The following GYS2 variants were observed in gnomAD, a reference collection of about 807,000 sequenced individuals.
The protein encoded by GYS2 is glycogen [starch] synthase, liver.
In GYS2, 80 loss-of-function variants were observed where a neutral mutation model predicts 85.6. The ratio of observed to expected loss-of-function variants is 0.93; its 90% confidence interval spans 0.78 to 1.13. GYS2 has a LOEUF of 1.13. GYS2 is among the 50% of genes most tolerant of loss of function. GYS2 has a pLI of 0.00. For missense variants in GYS2, 881 were observed against 854.9 expected, an observed-to-expected ratio of 1.03 and a Z score of -0.38; for synonymous variants, 328 against 300.7, an observed-to-expected ratio of 1.09 and a Z score of -0.94.
intron 11 of GYS2, among the ~76,000 whole-genome samples, chr12:21,552,488 G>A (rs1565595765): frequency 2.6e-5 from 4 of 152,168 alleles, no homozygotes; most frequent in African/African-American, 9.7e-5. Flanking sequence ...ACTTAAATCA[G>A]CACAGGCCTA....
At chr12:21,574,394 T>TGATGTGGAC in intron 3 of GYS2, 68 bp from the exon 4 acceptor site, 3 of 1,167,062 alleles carry the variant, frequency 2.6e-6, no homozygotes, top group Non-Finnish European at 2.6e-6. Context: ...ATGGTCCACA[T>TGATGTGGAC]CATAAGTGGA....
At chr12:21,562,511 T>C (rs1037697393) in intron 7 of GYS2, among the ~76,000 whole-genome samples, 3 of 152,202 alleles carry the variant, frequency 2.0e-5, no homozygotes, top group Admixed American at 6.5e-5. Flanking sequence ...TCTTCCATTA[T>C]AGTCTTCACT....
intron 12 of GYS2, among the ~76,000 whole-genome samples, chr12:21,544,784 T>C (rs1331557905): frequency 1.3e-5 from 2 of 152,220 alleles, no homozygotes; most frequent in African/African-American, 2.4e-5. Context: ...TTCAAGACAA[T>C]CCTTTGTCTA....
chr12:21,572,067 C>T (rs1246223659), intron 4 of GYS2, among the ~76,000 whole-genome samples: 2 of 152,066 alleles, frequency 1.3e-5, no homozygotes, highest in Non-Finnish European at 2.9e-5. Flanking sequence ...ATTATGTAGT[C>T]ATTAGAGTCG....
intron 1 of GYS2, among the ~76,000 whole-genome samples, chr12:21,601,155 T>G (rs1459494838): frequency 6.6e-6 from 1 of 152,118 alleles, no homozygotes; most frequent in Non-Finnish European, 1.5e-5. Context: ...GAAGAAATGA[T>G]TGTAGTAAGA....
At chr12:21,541,700 T>C (rs1017728252) in intron 13 of GYS2, among the ~76,000 whole-genome samples, 24 of 152,148 alleles carry the variant, frequency 1.6e-4, no homozygotes, top group African/African-American at 5.8e-4. Flanking sequence ...AAAGCTACTT[T>C]TTTTTCTCCA....
intron 1 of GYS2, among the ~76,000 whole-genome samples, chr12:21,589,822 C>T (rs140018660): frequency 1.6e-4 from 25 of 152,224 alleles, no homozygotes; most frequent in Non-Finnish European, 3.4e-4. Flanking sequence ...CACTGGGTCC[C>T]ACCCCTGCCA....
At chr12:21,560,317 G>A (rs1044375624) in intron 8 of GYS2, 69 bp downstream of exon 8, 1 of 855,920 alleles carries the variant, frequency 1.2e-6, no homozygotes, top group African/African-American at 1.7e-5. Flanking sequence ...CGATACATGA[G>A]ATGTCATTCA....
intron 12 of GYS2, among the ~76,000 whole-genome samples, chr12:21,545,272 T>A (rs1944024930): frequency 6.6e-6 from 1 of 152,126 alleles, no homozygotes; most frequent in Non-Finnish European, 1.5e-5. Flanking sequence ...ATGAAACCTG[T>A]CTCTACTAAA....
rs7954038 is a variant in GYS2, at chr12:21,536,999, G to A, written c.2067C>T (p.His689=). 4.8e-3 allele frequency: 7,715 copies of A among 1,613,824 alleles called. 290 individuals are homozygous for A. The African/African-American group carries it at 0.083, about 17-fold the overall frequency. ...GCAGCTTTTTCTTCCCATGAGGAACGTGGCTCAGTGAAAATGGTGACTTGA... is the reference window on the plus strand; with the variant it reads ...GCAGCTTTTTCTTCCCATGAGGAACATGGCTCAGTGAAAATGGTGACTTGA... ...LNIKSPFSLS[H]VPHGKKKLHG... is the part of the protein sequence containing the mutation. The change falls in exon 16 of 16, where the codon CAC becomes CAT. Residue 689 remains histidine, a synonymous_variant. Transcript: ENST00000261195.
At chr12:21,543,370 G>A (rs1944001639) in intron 12 of GYS2, among the ~76,000 whole-genome samples, 1 of 152,134 alleles carries the variant, frequency 6.6e-6, no homozygotes, top group Non-Finnish European at 1.5e-5. Flanking sequence ...TGGAGTTGTG[G>A]TTCTCTAATT....
chr12:21,559,152 A>C lies in GYS2; in HGVS notation c.1247T>G (p.Leu416Arg). The C allele has an allele frequency of 1.2e-6, 2 of 1,606,824 alleles. No homozygotes were observed. Among genetic ancestry groups the C allele is most frequent in the Non-Finnish European group, 1.7e-6 (2 of 1,174,150 alleles). The change falls in exon 10 of 16, where the codon CTG becomes CGG. Residue 416 changes from leucine to arginine, a missense_variant. By Grantham distance (102) the Leu-to-Arg change is moderately radical. Transcript: ENST00000261195. ...DALLRGEIPDLNDILDRDDLT... is the reference protein window; with the variant it reads ...DALLRGEIPDRNDILDRDDLT... Reference sequence around the variant, plus strand: ...ATCATCTCGATCTAAAATATCGTTCAGGTCAGGAATTTCTCCTCTGCAGGG... The same window carrying C: ...ATCATCTCGATCTAAAATATCGTTCCGGTCAGGAATTTCTCCTCTGCAGGG...
chr12:21,565,735 A>G (rs1944312408), intron 5 of GYS2, among the ~76,000 whole-genome samples: 2 of 151,642 alleles, frequency 1.3e-5, no homozygotes, highest in South Asian at 4.2e-4. Context: ...TCTCCTTTTC[A>G]CTTCCGTTCC....
At chr12:21,566,261 G>A (rs546859583) in intron 5 of GYS2, among the ~76,000 whole-genome samples, 18 of 151,796 alleles carry the variant, frequency 1.2e-4, no homozygotes, top group Middle Eastern at 3.2e-3. Flanking sequence ...CACCCTCAGC[G>A]TTAAAAGTAA....
intron 11 of GYS2, among the ~76,000 whole-genome samples, chr12:21,556,655 C>T (rs943074316): frequency 1.3e-5 from 2 of 152,222 alleles, no homozygotes; most frequent in African/African-American, 4.8e-5. Flanking sequence ...AAACCGAACT[C>T]AGTTCATGAC....
At chr12:21,577,228 T>C (rs543521018) in intron 2 of GYS2, among the ~76,000 whole-genome samples, 1 of 152,352 alleles carries the variant, frequency 6.6e-6, no homozygotes, top group African/African-American at 2.4e-5. Flanking sequence ...TCAATAGTTT[T>C]TCTCCTTGGG....
chr12:21,546,063 T>A (rs1029654222), intron 12 of GYS2, among the ~76,000 whole-genome samples: 1 of 152,110 alleles, frequency 6.6e-6, no homozygotes, highest in African/African-American at 2.4e-5. Flanking sequence ...AACCTTTATA[T>A]CACATTCCTT....
intron 4 of GYS2, among the ~76,000 whole-genome samples, chr12:21,571,403 C>T (rs1295187595): frequency 6.6e-6 from 1 of 152,160 alleles, no homozygotes; most frequent in Non-Finnish European, 1.5e-5. Context: ...TTTTTACTTT[C>T]TTGCATTTTA....
chr12:21,553,796 A>AACACACACACAC (rs3061568), intron 11 of GYS2, among the ~76,000 whole-genome samples: 19 of 151,438 alleles, frequency 1.3e-4, no homozygotes, highest in Admixed American at 2.6e-4. Flanking sequence ...ACACACATAT[A>AACACACACACAC]ACACACACAC....
Sources: allele counts gnomAD v4.1 joint callset (sites outside exome capture counted in the v4.1 genomes callset), GRCh38; gene constraint gnomAD v4.1.1; transcripts MANE v1.5; gene names NCBI Gene and HGNC (gene_info 2026-07-23, HGNC 2026-07-21).